The following FSTL5 variants were observed in gnomAD, a reference collection of about 807,000 sequenced individuals.
The protein encoded by FSTL5 is follistatin-related protein 5.
A neutral mutation model predicts 89.1 loss-of-function variants in FSTL5; 62 were observed. The observed-to-expected ratio is 0.70, with a 90% CI of 0.57 to 0.86. The LOEUF is 0.86. FSTL5 is among the 40% of genes least tolerant of loss of function. The pLI is 0.00. For missense variants in FSTL5, 1,057 were observed against 1,001.6 expected (o/e 1.06, Z -0.75); for synonymous variants, 383 against 346.2 (o/e 1.11, Z -1.18).
chr4:161,809,698 A>G (rs565500811), intron 4 of FSTL5, among the ~76,000 whole-genome samples: 16 of 152,364 alleles, frequency 1.1e-4, no homozygotes, highest in Non-Finnish European at 1.9e-4. Flanking sequence ...AAGAATCTTG[A>G]TGACACTACT....
At chr4:161,718,159 G>T (rs1739059270) in intron 6 of FSTL5, among the ~76,000 whole-genome samples, 2 of 151,970 alleles carry the variant, frequency 1.3e-5, no homozygotes, top group African/African-American at 4.8e-5. Context: ...ACATATAGTT[G>T]ATTTGACTAA....
intron 10 of FSTL5, among the ~76,000 whole-genome samples, chr4:161,523,917 T>C (rs1731118360): frequency 6.6e-6 from 1 of 152,086 alleles, no homozygotes; most frequent in Non-Finnish European, 1.5e-5. Context: ...CTTTGAAGGG[T>C]AAACCAAAAA....
intron 8 of FSTL5, among the ~76,000 whole-genome samples, chr4:161,575,892 G>T (rs1733191769): frequency 1.3e-5 from 2 of 152,138 alleles, no homozygotes; most frequent in African/African-American, 4.8e-5. Context: ...TCTGTTTGGA[G>T]ATGACATGAT....
intron 3 of FSTL5, among the ~76,000 whole-genome samples, chr4:161,926,593 T>A (rs1308810098): frequency 6.6e-6 from 1 of 151,810 alleles, no homozygotes. Context: ...GTACCTAATA[T>A]GGCAACAGTT....
In FSTL5 at chr4:161,779,821, A is replaced by ATATATGTATATATATATATATATATATG. The variant is rs1741590327; in HGVS notation, c.410-3748_410-3747insCATATATATATATATATATATACATATA. Among the ~76,000 whole-genome samples the ATATATGTATATATATATATATATATATG allele has an allele frequency of 1.4e-3, 91 of 63,206 alleles. 2 individuals are homozygous for ATATATGTATATATATATATATATATATG. The highest frequency in any genetic ancestry group is 2.2e-3 in the Non-Finnish European group (80 of 36,404). 41.5% of individuals were successfully genotyped at this position (63,206 alleles called of 152,430 possible). The stretch of plus-strand genomic sequence containing the variant: ...TATATATATATATATGTATATATAT[A>ATATATGTATATATATATATATATATATG]TATATATATATATATGTATATAAAA... On this transcript the variant is annotated intron_variant, in intron 4 of 15. Transcript: ENST00000306100.
chr4:161,934,317 C>G (rs359501), intron 3 of FSTL5, among the ~76,000 whole-genome samples: 1 of 152,082 alleles, frequency 6.6e-6, no homozygotes, highest in African/African-American at 2.4e-5. Flanking sequence ...ACAGTAGAAA[C>G]TCAGGGGATC....
At chr4:161,720,604 A>T (rs1739164252) in intron 6 of FSTL5, among the ~76,000 whole-genome samples, 1 of 152,160 alleles carries the variant, frequency 6.6e-6, no homozygotes, top group Admixed American at 6.5e-5. Flanking sequence ...AGACATGGAG[A>T]CAACATTAAT....
At chr4:162,024,507 C>T (rs754134283) in intron 3 of FSTL5, among the ~76,000 whole-genome samples, 1 of 152,038 alleles carries the variant, frequency 6.6e-6, no homozygotes, top group Non-Finnish European at 1.5e-5. Context: ...TTTCTGAATT[C>T]TTCTGGCAAG....
chr4:161,814,120 G>T (rs1324604591), intron 4 of FSTL5, among the ~76,000 whole-genome samples: 1 of 151,820 alleles, frequency 6.6e-6, no homozygotes, highest in East Asian at 1.9e-4. Context: ...GAGAAAGATG[G>T]AAGGCATAAA....
chr4:162,107,225 G>A (rs1731258966), intron 2 of FSTL5, among the ~76,000 whole-genome samples: 1 of 152,146 alleles, frequency 6.6e-6, no homozygotes, highest in Non-Finnish European at 1.5e-5. Flanking sequence ...CTGCTGTCTG[G>A]CTTTCCAGCT....
chr4:161,410,145 A>T (rs925723938), intron 15 of FSTL5, among the ~76,000 whole-genome samples: 1 of 151,774 alleles, frequency 6.6e-6, no homozygotes, highest in African/African-American at 2.4e-5. Flanking sequence ...TGAAGATTAC[A>T]TAATGATAAA....
intron 1 of FSTL5, among the ~76,000 whole-genome samples, chr4:162,159,567 T>C (rs1733614145): frequency 6.6e-6 from 1 of 152,028 alleles, no homozygotes; most frequent in African/African-American, 2.4e-5. Flanking sequence ...GTGAAGCTGT[T>C]CTCTTATTTT....
At chr4:161,805,265 A>G (rs539168298) in intron 4 of FSTL5, among the ~76,000 whole-genome samples, 18 of 152,120 alleles carry the variant, frequency 1.2e-4, no homozygotes, top group Non-Finnish European at 2.6e-4. Context: ...TCCAAGAAAC[A>G]ACAACTAAGA....
Position 161,385,677 on chromosome 4 carries a change from T to C in FSTL5, c.*70A>G. ...GATATAAACTTGGAAAGTTAAGTTG[T>C]AAATTTAAACAATGGATTAAGTGCA... On this transcript the variant is annotated 3_prime_UTR_variant, in exon 16 of 16. Coordinates refer to ENST00000306100, the MANE Select transcript of FSTL5 (RefSeq NM_020116.5). 1 of 1,173,616 alleles carries C rather than the reference T, an allele frequency of 8.5e-7. No homozygotes were observed. 72.7% of individuals were successfully genotyped at this position (1,173,616 alleles called of 1,614,324 possible). A position where few individuals can be genotyped will look rare whatever the true frequency, so the allele number is the denominator to read the frequency against.
intron 4 of FSTL5, among the ~76,000 whole-genome samples, chr4:161,820,858 T>C (rs762691821): frequency 9.2e-5 from 14 of 151,876 alleles, no homozygotes; most frequent in Non-Finnish European, 1.8e-4. Context: ...GCCATAAAAA[T>C]GATTTTGTAT....
chr4:161,385,268 C>G lies in FSTL5; in HGVS notation c.*479G>C, dbSNP rs1167307163. On this transcript the variant is annotated 3_prime_UTR_variant, in exon 16 of 16. Coordinates refer to ENST00000306100, the MANE Select transcript of FSTL5 (RefSeq NM_020116.5). ...TTTAGTCTTCCTTTTCCTCCTGTGA[C>G]ATTCCCTTCAAGGCACAAAATATTA... is the stretch of plus-strand genomic sequence containing the variant. 1 of 154,034 alleles carries G rather than the reference C, an allele frequency of 6.5e-6. No homozygotes were observed. Among genetic ancestry groups the G allele is most frequent in the Non-Finnish European group, 1.4e-5 (1 of 69,072 alleles). 9.5% of individuals were successfully genotyped at this position (154,034 alleles called of 1,614,324 possible). A position where few individuals can be genotyped will look rare whatever the true frequency, so the allele number is the denominator to read the frequency against.
chr4:161,826,095 T>C (rs1193497950), intron 4 of FSTL5, among the ~76,000 whole-genome samples: 4 of 152,158 alleles, frequency 2.6e-5, no homozygotes, highest in Admixed American at 1.3e-4. Context: ...TATTGTTCAA[T>C]TCAAAGAAGT....
chr4:162,021,670 G>C (rs554592215), intron 3 of FSTL5, among the ~76,000 whole-genome samples: 2 of 152,172 alleles, frequency 1.3e-5, no homozygotes, highest in East Asian at 1.9e-4. Context: ...TTATCTTAAG[G>C]GAAACAACTT....
At chr4:161,732,550 A>G (rs1397430580) in intron 6 of FSTL5, among the ~76,000 whole-genome samples, 2 of 152,064 alleles carry the variant, frequency 1.3e-5, no homozygotes, top group African/African-American at 4.8e-5. Flanking sequence ...TTTTATATAT[A>G]ATTAAGAATG....
Sources: allele counts gnomAD v4.1 joint callset (sites outside exome capture counted in the v4.1 genomes callset), GRCh38; gene constraint gnomAD v4.1.1; transcripts MANE v1.5; gene names NCBI Gene and HGNC (gene_info 2026-07-23, HGNC 2026-07-21).